AFG2A: variants seen among roughly 807,000 people sequenced by gnomAD.
AFG2A encodes ATPase family gene 2 protein homolog A.
chr4:122,991,076 T>C, the AFG2A span, among the ~76,000 whole-genome samples: 1 of 152,232 alleles, frequency 6.6e-6, no homozygotes, highest in African/African-American at 2.4e-5. Flanking sequence ...TTAGTTGCCA[T>C]GGCTTGGGGA....
the AFG2A span, among the ~76,000 whole-genome samples, chr4:122,980,587 T>C: frequency 6.6e-6 from 1 of 152,232 alleles, no homozygotes; most frequent in African/African-American, 2.4e-5. Flanking sequence ...TTTTCCATAA[T>C]GTCTGTACCA....
At chr4:122,947,336 T>C in the AFG2A span, 5 of 1,613,908 alleles carry the variant, frequency 3.1e-6, no homozygotes, top group African/African-American at 6.7e-5. Flanking sequence ...GAGATTGAGA[T>C]TGGAGTTCCC....
the AFG2A span, among the ~76,000 whole-genome samples, chr4:123,254,537 A>C: frequency 2.0e-5 from 3 of 152,184 alleles, no homozygotes; most frequent in Non-Finnish European, 4.4e-5. Context: ...GAAGTTGCTA[A>C]AAGTTGCCAC....
the AFG2A span, among the ~76,000 whole-genome samples, chr4:123,134,693 A>C: frequency 6.6e-6 from 1 of 151,428 alleles, no homozygotes; most frequent in Non-Finnish European, 1.5e-5. Flanking sequence ...GAAACATTTA[A>C]CATAACAAAA....
the AFG2A span, among the ~76,000 whole-genome samples, chr4:123,212,430 TA>T: frequency 2.0e-5 from 3 of 152,162 alleles, no homozygotes; most frequent in Admixed American, 2.0e-4. Context: ...TACAAAGAAC[TA>T]AAGTATTTTT....
the AFG2A span, among the ~76,000 whole-genome samples, chr4:123,166,908 A>G: frequency 6.6e-6 from 1 of 152,110 alleles, no homozygotes; most frequent in Non-Finnish European, 1.5e-5. Context: ...TTTTATAGAA[A>G]GGAGTATATA....
chr4:123,079,416 G>A, the AFG2A span, among the ~76,000 whole-genome samples: 2 of 152,132 alleles, frequency 1.3e-5, no homozygotes, highest in African/African-American at 2.4e-5. Flanking sequence ...TTATTTGGAT[G>A]TAGCTCCTGT....
At chr4:123,275,025 T>C in the AFG2A span, among the ~76,000 whole-genome samples, 1 of 152,170 alleles carries the variant, frequency 6.6e-6, no homozygotes, top group Non-Finnish European at 1.5e-5. Flanking sequence ...TGTGTTCTGA[T>C]TGAATTATGT....
At chr4:123,077,215 T>TG in the AFG2A span, among the ~76,000 whole-genome samples, 1 of 151,836 alleles carries the variant, frequency 6.6e-6, no homozygotes, top group Non-Finnish European at 1.5e-5. Flanking sequence ...GCCTGGCTAA[T>TG]TTTTTGTATT....
the AFG2A span, among the ~76,000 whole-genome samples, chr4:123,186,876 GA>G: frequency 2.0e-5 from 3 of 152,228 alleles, no homozygotes; most frequent in Admixed American, 6.5e-5. Context: ...GTGGGGTGGA[GA>G]GGGGGACAGC....
chr4:122,940,256 A>G, the AFG2A span, among the ~76,000 whole-genome samples: 1 of 151,950 alleles, frequency 6.6e-6, no homozygotes, highest in African/African-American at 2.4e-5. Flanking sequence ...CAACAGTGTA[A>G]AAGTGTTCCT....
At chr4:122,944,330 T>A in the AFG2A span, among the ~76,000 whole-genome samples, 1 of 151,794 alleles carries the variant, frequency 6.6e-6, no homozygotes, top group African/African-American at 2.4e-5. Context: ...ATGCTTTGTT[T>A]GTTTCTTTTT....
the AFG2A span, among the ~76,000 whole-genome samples, chr4:122,988,790 C>T: frequency 6.6e-6 from 1 of 152,004 alleles, no homozygotes; most frequent in African/African-American, 2.4e-5. Context: ...CGTTCTAAGT[C>T]CCTGTTAGGC....
At chr4:122,968,343 A>G in the AFG2A span, among the ~76,000 whole-genome samples, 2 of 152,204 alleles carry the variant, frequency 1.3e-5, no homozygotes, top group East Asian at 3.8e-4. Flanking sequence ...TAAAATATCC[A>G]TGTGTTTTCC....
At chr4:123,036,740 G>T in the AFG2A span, among the ~76,000 whole-genome samples, 1 of 152,062 alleles carries the variant, frequency 6.6e-6, no homozygotes, top group Non-Finnish European at 1.5e-5. Context: ...TGAATAGAAT[G>T]AATGAATTTG....
the AFG2A span, chr4:122,927,625 C>T: frequency 1.3e-6 from 2 of 1,592,658 alleles, no homozygotes; most frequent in South Asian, 2.3e-5. Context: ...ATTTTCTTTT[C>T]CTTCATAGTA....
chr4:123,106,825 G>A, the AFG2A span, among the ~76,000 whole-genome samples: 180 of 152,352 alleles, frequency 1.2e-3, no homozygotes, highest in African/African-American at 4.1e-3. Flanking sequence ...CACTCTGCTC[G>A]TGCTACTGGC....
the AFG2A span, among the ~76,000 whole-genome samples, chr4:122,983,435 G>A: frequency 6.6e-6 from 1 of 151,756 alleles, no homozygotes; most frequent in Non-Finnish European, 1.5e-5. Flanking sequence ...CTTAATATAG[G>A]TATTTATTGC....
At chr4:123,019,268 AT>A in the AFG2A span, among the ~76,000 whole-genome samples, 2 of 124,080 alleles carry the variant, frequency 1.6e-5, no homozygotes, top group East Asian at 5.0e-4. Flanking sequence ...TGGGTCTGAG[AT>A]TTGAACCCAA....
Sources: allele counts gnomAD v4.1 joint callset (sites outside exome capture counted in the v4.1 genomes callset), GRCh38; gene constraint gnomAD v4.1.1; transcripts MANE v1.5; gene names NCBI Gene and HGNC (gene_info 2026-07-23, HGNC 2026-07-21).